ALG6: variants seen among roughly 807,000 people sequenced by gnomAD.
ALG6 encodes dolichyl pyrophosphate Man9GlcNAc2 alpha-1,3-glucosyltransferase.
In ALG6, 46 loss-of-function variants were observed where a neutral mutation model predicts 66.6. That is an observed-to-expected ratio of 0.69 (90% CI 0.55 to 0.88). ALG6 has a LOEUF of 0.88. Ranked by LOEUF, ALG6 falls within the 40% of genes least tolerant of loss-of-function variation. ALG6 has a pLI of 0.00. For missense variants in ALG6, 505 were observed against 586.8 expected (o/e 0.86, Z 1.44); for synonymous variants, 185 against 203.7 (o/e 0.91, Z 0.78).
intron 2 of ALG6, among the ~76,000 whole-genome samples, chr1:63,373,105 G>A (rs1647988367): frequency 6.6e-6 from 1 of 151,742 alleles, no homozygotes; most frequent in African/African-American, 2.4e-5. Flanking sequence ...CCTCCTTGGT[G>A]CAGTGATTCT....
At chr1:63,386,788 G>T (rs1035658289) in intron 2 of ALG6, among the ~76,000 whole-genome samples, 3 of 151,708 alleles carry the variant, frequency 2.0e-5, no homozygotes, top group Admixed American at 1.3e-4. Flanking sequence ...TTTCAACTTC[G>T]TTTATTTCTG....
intron 2 of ALG6, among the ~76,000 whole-genome samples, chr1:63,377,106 C>G (rs1002130150): frequency 2.0e-5 from 3 of 152,040 alleles, no homozygotes; most frequent in Non-Finnish European, 4.4e-5. Flanking sequence ...GGATTACAGG[C>G]GTGCGCTGCC....
chr1:63,427,120 C>T (rs1415533432), intron 12 of ALG6, among the ~76,000 whole-genome samples: 1 of 152,038 alleles, frequency 6.6e-6, no homozygotes, highest in Non-Finnish European at 1.5e-5. Context: ...CCTGCCTCAG[C>T]CTCCTGAGTA....
chr1:63,425,788 G>A (rs1211375391), intron 12 of ALG6, among the ~76,000 whole-genome samples: 6 of 152,150 alleles, frequency 3.9e-5, no homozygotes, highest in Admixed American at 3.3e-4. Context: ...AAGAGTGAAT[G>A]TATGGGAGTG....
chr1:63,412,794 A>G (rs918285895), intron 9 of ALG6, among the ~76,000 whole-genome samples: 7 of 152,238 alleles, frequency 4.6e-5, no homozygotes, highest in African/African-American at 9.6e-5. Flanking sequence ...TGAAACAAAA[A>G]GGCCTTTTAA....
chr1:63,368,844 C>G (rs1166294624), intron 1 of ALG6, among the ~76,000 whole-genome samples: 1 of 152,114 alleles, frequency 6.6e-6, no homozygotes, highest in Non-Finnish European at 1.5e-5. Flanking sequence ...TAGAAAAATA[C>G]TGTACGCAAA....
chr1:63,402,259 T>A lies in ALG6; in HGVS notation c.173T>A (p.Phe58Tyr). The change falls in exon 4 of 15, where the codon TTT becomes TAT. Residue 58 changes from phenylalanine to tyrosine, a missense_variant. By Grantham distance (22) the Phe-to-Tyr change is conservative. Coordinates refer to ENST00000263440, the MANE Select transcript of ALG6 (RefSeq NM_013339.4). ...CTTCTTTTTTTCTTTTTCAGGTATT[T>A]TAACAGCAGTGATAACAATTTACAG... Reference protein sequence around the residue: ...TFNLPVKQWYFNSSDNNLQYW... With the variant: ...TFNLPVKQWYYNSSDNNLQYW... 6.3e-7 allele frequency: 1 copy of A among 1,598,254 alleles called. No homozygotes were observed. Among genetic ancestry groups the A allele is most frequent in the Non-Finnish European group, 8.6e-7 (1 of 1,165,898 alleles).
chr1:63,399,801 T>A lies in ALG6; in HGVS notation c.168-2453T>A, dbSNP rs868589168. Among the ~76,000 whole-genome samples, 81 of 152,314 alleles carry A rather than the reference T, an allele frequency of 5.3e-4. 1 individual carries two copies. Among genetic ancestry groups the A allele is most frequent in the African/African-American group, 1.9e-3 (77 of 41,574 alleles). On this transcript the variant is annotated intron_variant, in intron 3 of 14. Transcript: ENST00000263440. ...TTTATAATTCGTGTGGCAGCCATTT[T>A]TTTTTTACTTACTAAACATCTACTG...
At chr1:63,371,579 A>G (rs572930538) in intron 2 of ALG6, among the ~76,000 whole-genome samples, 3 of 152,074 alleles carry the variant, frequency 2.0e-5, no homozygotes, top group Non-Finnish European at 4.4e-5. Flanking sequence ...GCCAATACTC[A>G]GAGGGCCCAC....
chr1:63,376,600 G>A (rs978792049), intron 2 of ALG6, among the ~76,000 whole-genome samples: 14 of 152,050 alleles, frequency 9.2e-5, no homozygotes, highest in African/African-American at 3.4e-4. Context: ...TTAGAATTAT[G>A]TTTAAAATTT....
chr1:63,403,215 T>C (rs1644474276), intron 4 of ALG6, among the ~76,000 whole-genome samples: 1 of 152,060 alleles, frequency 6.6e-6, no homozygotes, highest in South Asian at 2.1e-4. Flanking sequence ...AGAGATGTTA[T>C]CCATATGTGT....
chr1:63,410,988 A>G (rs1262440478), intron 7 of ALG6, among the ~76,000 whole-genome samples, 158 bp from the exon 8 acceptor site: 3 of 152,174 alleles, frequency 2.0e-5, no homozygotes, highest in Non-Finnish European at 4.4e-5. Context: ...TTGAATTTCT[A>G]TTGGGAAATA....
At chr1:63,402,103 G>T in intron 3 of ALG6, 151 bp from the exon 4 acceptor site, 1 of 653,418 alleles carries the variant, frequency 1.5e-6, no homozygotes. Flanking sequence ...GTCCTGGTTT[G>T]TGTCTATTGA....
chr1:63,419,469 T>C, intron 12 of ALG6, 29 bp downstream of exon 12: 1 of 1,455,244 alleles, frequency 6.9e-7, no homozygotes, highest in Non-Finnish European at 9.6e-7. Context: ...AATATGTGTT[T>C]ATTTGTTTAT....
At chr1:63,398,658 G>A (rs1325810293) in intron 3 of ALG6, among the ~76,000 whole-genome samples, 1 of 151,860 alleles carries the variant, frequency 6.6e-6, no homozygotes, top group Non-Finnish European at 1.5e-5. Context: ...TGTATTTTTA[G>A]TAGAGACAGG....
chr1:63,410,602 C>T (rs541489883), intron 7 of ALG6, among the ~76,000 whole-genome samples: 3 of 152,146 alleles, frequency 2.0e-5, no homozygotes, highest in East Asian at 1.9e-4. Flanking sequence ...AAGAGTCTCT[C>T]GGGAAGGAGA....
intron 3 of ALG6, among the ~76,000 whole-genome samples, chr1:63,397,444 C>G (rs781703413): frequency 6.6e-6 from 1 of 152,236 alleles, no homozygotes. Context: ...CTTGACCTCC[C>G]AAAGTGCTGG....
rs755900020 is a variant in ALG6, at chr1:63,428,725, G to T, written c.1059-8G>T. On this transcript the variant is annotated splice_region_variant and splice_polypyrimidine_tract_variant and intron_variant, in intron 12 of 14. Transcript: ENST00000263440. ...AATATTAAAATATTTTTTTCTTTAC[G>T]ATTTTAGACCAGTCTGCTTAGTTTT... is the stretch of plus-strand genomic sequence containing the variant. 1.3e-5 allele frequency: 21 copies of T among 1,578,224 alleles called. No individual in the cohort carries two copies. Among genetic ancestry groups the T allele is most frequent in the Middle Eastern group, 2.0e-4 (1 of 5,030 alleles).
At chr1:63,436,763 T>C (rs1043074927) in intron 14 of ALG6, 60 bp from the exon 15 acceptor site, 1 of 1,511,700 alleles carries the variant, frequency 6.6e-7, no homozygotes, top group Non-Finnish European at 9.2e-7. Flanking sequence ...CAAGTCAATG[T>C]TTCCAGCACA....
Sources: allele counts gnomAD v4.1 joint callset (sites outside exome capture counted in the v4.1 genomes callset), GRCh38; gene constraint gnomAD v4.1.1; transcripts MANE v1.5; gene names NCBI Gene and HGNC (gene_info 2026-07-23, HGNC 2026-07-21).